Variants in UPP2 observed in about 807,000 individuals in gnomAD.
UPP2 encodes UPase 2.
A neutral mutation model predicts 26.7 loss-of-function variants in UPP2; 23 were observed. The ratio of observed to expected loss-of-function variants is 0.86; its 90% CI spans 0.62 to 1.22. The LOEUF is 1.22. UPP2 is among the 50% of genes most tolerant of loss of function. The pLI, the probability that UPP2 is intolerant of heterozygous loss-of-function variation, is 0.00. For missense variants in UPP2, 387 were observed against 396.7 expected (o/e 0.98, Z 0.21); for synonymous variants, 127 against 141.3 (o/e 0.90, Z 0.72).
chr2:158,040,500 T>G (rs1041314235), intron 3 of UPP2, among the ~76,000 whole-genome samples: 1 of 152,232 alleles, frequency 6.6e-6, no homozygotes, highest in Non-Finnish European at 1.5e-5. Context: ...AACATCTGAG[T>G]GCTATTTTTA....
rs549873853 is a variant in UPP2 at position 158,046,415 on chromosome 2, T to C, written c.147+30529T>C. On this transcript the variant is annotated intron_variant, in intron 3 of 9. Transcript: ENST00000605860. ...AAGCATCTGGCTTGCTCATTATTTA[T>C]TATTTCAAGGACTCCCCCAGCCAGA... Among the ~76,000 whole-genome samples the C allele has an allele frequency of 3.3e-5, 5 of 152,362 alleles. No individual in the cohort carries two copies. In the South Asian group the frequency reaches 1.0e-3, roughly 32 times the overall value.
intron 3 of UPP2, among the ~76,000 whole-genome samples, chr2:158,086,188 G>A (rs1170755785): frequency 6.6e-6 from 1 of 151,914 alleles, no homozygotes; most frequent in African/African-American, 2.4e-5. Context: ...GCTTATTATT[G>A]TTCTGTTCAG....
At chr2:158,058,418 C>CGTGTGTGTGTGTGTGT (rs1558917364) in intron 3 of UPP2, among the ~76,000 whole-genome samples, 1 of 21,428 alleles carries the variant, frequency 4.7e-5, no homozygotes, top group African/African-American at 4.8e-4. Context: ...CTCCCCCCAA[C>CGTGTGTGTGTGTGTGT]CTGTGTGTGT....
intron 3 of UPP2, among the ~76,000 whole-genome samples, chr2:158,057,545 T>C (rs1267592534): frequency 1.4e-5 from 2 of 148,070 alleles, no homozygotes; most frequent in Non-Finnish European, 3.0e-5. Flanking sequence ...GAGAAACTAC[T>C]GCAGAGTTCT....
intron 1 of UPP2, among the ~76,000 whole-genome samples, chr2:158,104,097 G>A (rs78050814): frequency 0.013 from 1,932 of 152,256 alleles, 44 homozygotes; most frequent in African/African-American, 0.044. Flanking sequence ...TTAAAACTTA[G>A]GGATTCAAGA....
intron 2 of UPP2, among the ~76,000 whole-genome samples, chr2:158,107,366 ACT>A (rs1274531094): frequency 6.6e-6 from 1 of 152,164 alleles, no homozygotes; most frequent in East Asian, 1.9e-4. Context: ...GCAGATATTA[ACT>A]CTCTCCATAA....
At chr2:158,090,794 A>G (rs1174844083) in intron 3 of UPP2, among the ~76,000 whole-genome samples, 2 of 152,188 alleles carry the variant, frequency 1.3e-5, no homozygotes, top group Admixed American at 1.3e-4. Context: ...GAAGAATGTA[A>G]GCTCATGAGC....
At chr2:158,017,670 T>G (rs192372351) in intron 3 of UPP2, among the ~76,000 whole-genome samples, 153 of 152,312 alleles carry the variant, frequency 1.0e-3, no homozygotes, top group African/African-American at 3.6e-3. Context: ...TAGTTATTCG[T>G]TTTTGGGCAT....
In UPP2 at chr2:157,998,634, T is replaced by C. The variant is rs184251849; in HGVS notation, c.61+3375T>C. Among the ~76,000 whole-genome samples the C allele has an allele frequency of 2.6e-3, 392 of 152,112 alleles. 1 individual carries two copies. Among genetic ancestry groups the C allele is most frequent in the Middle Eastern group, 0.02 (6 of 294 alleles). On this transcript the variant is annotated intron_variant, in intron 2 of 9. Coordinates refer to the UPP2 transcript ENST00000605860. ...TTGGACAACATGGTGAAATCCCATC[T>C]CTACTAAAAATACAAAAATTAGCTG...
chr2:158,007,148 T>G (rs935635779), intron 2 of UPP2, among the ~76,000 whole-genome samples: 1 of 152,188 alleles, frequency 6.6e-6, no homozygotes, highest in Non-Finnish European at 1.5e-5. Context: ...GCCCTTTCTG[T>G]GTACTCATAG....
chr2:158,058,419 CTGTG>C lies in UPP2; in HGVS notation c.147+42561_147+42564del, dbSNP rs70990632. ...CTCTCTCTCTCTCTCTCCCCCCAAC[CTGTG>C]TGTGTGTGTGTGTGTGTGTGTGTGT... On this transcript the variant is annotated intron_variant, in intron 3 of 9. Coordinates refer to the UPP2 transcript ENST00000605860. Among the ~76,000 whole-genome samples the C allele has an allele frequency of 3.0e-3, 411 of 136,376 alleles. 3 individuals carry two copies. The highest frequency in any genetic ancestry group is 4.0e-3 in the South Asian group (16 of 4,050). 89.5% of individuals were successfully genotyped at this position (136,376 alleles called of 152,430 possible).
intron 2 of UPP2, among the ~76,000 whole-genome samples, chr2:158,005,276 C>T (rs1683471671): frequency 6.6e-6 from 1 of 152,240 alleles, no homozygotes; most frequent in African/African-American, 2.4e-5. Flanking sequence ...ACTGAGTTCT[C>T]CAAAGCTCAC....
chr2:158,123,659 A>T, intron 5 of UPP2, 90 bp from the exon 6 acceptor site: 2 of 1,472,572 alleles, frequency 1.4e-6, no homozygotes, highest in Non-Finnish European at 1.8e-6. Context: ...AGACAGCGGC[A>T]GCGTGCTCCA....
chr2:158,025,017 C>T (rs997758258), intron 3 of UPP2, among the ~76,000 whole-genome samples: 3 of 151,974 alleles, frequency 2.0e-5, no homozygotes, highest in African/African-American at 4.8e-5. Context: ...GCCTGGACAA[C>T]ATGGTGAAAC....
chr2:158,020,328 G>A (rs568645211), intron 3 of UPP2, among the ~76,000 whole-genome samples: 1 of 152,314 alleles, frequency 6.6e-6, no homozygotes, highest in Non-Finnish European at 1.5e-5. Flanking sequence ...TTCTTCAGAA[G>A]GTTTGGTATG....
chr2:158,135,038 G>A lies in UPP2; in HGVS notation c.*148G>A. ...TTATGAAATCCTTCTCTCTTAAAAA[G>A]GAATTTATTGTAAAAGAATACTCAC... On this transcript the variant is annotated 3_prime_UTR_variant, in exon 7 of 7. Coordinates refer to ENST00000005756, the MANE Select transcript of UPP2 (RefSeq NM_173355.4). The A allele has an allele frequency of 5.3e-5, 50 of 939,908 alleles. No homozygotes were observed. Among genetic ancestry groups the A allele is most frequent in the South Asian group, 2.3e-4 (7 of 30,044 alleles). 58.2% of individuals were successfully genotyped at this position (939,908 alleles called of 1,614,324 possible). A position where few individuals can be genotyped will look rare whatever the true frequency, so the allele number is the denominator to read the frequency against.
At chr2:158,018,404 G>C (rs1683694243) in intron 3 of UPP2, among the ~76,000 whole-genome samples, 1 of 152,212 alleles carries the variant, frequency 6.6e-6, no homozygotes, top group Non-Finnish European at 1.5e-5. Context: ...GAATGCAAGT[G>C]AGCATTAGCT....
At chr2:158,057,078 G>T (rs1022375536) in intron 3 of UPP2, among the ~76,000 whole-genome samples, 5 of 152,150 alleles carry the variant, frequency 3.3e-5, no homozygotes, top group Admixed American at 1.3e-4. Context: ...ATGTGTTACT[G>T]GCAGGAAGGT....
chr2:158,020,758 A>C (rs928589339), intron 3 of UPP2, among the ~76,000 whole-genome samples: 3 of 152,242 alleles, frequency 2.0e-5, no homozygotes, highest in Non-Finnish European at 4.4e-5. Context: ...AAGGATGTTA[A>C]ACACAATCCC....
Sources: gnomAD v4.1 joint callset for allele counts (sites outside exome capture counted in the v4.1 genomes callset) on GRCh38, gnomAD v4.1.1 for gene constraint, MANE v1.5 for transcripts, NCBI Gene and HGNC (gene_info 2026-07-23, HGNC 2026-07-21) for gene names.